Variants in SETD5 observed in about 807,000 individuals in gnomAD.
SETD5 encodes the protein SET domain containing 5.
SETD5 carries 44 observed loss-of-function variants against 153.3 expected under a neutral mutation model. That is an observed-to-expected ratio of 0.29 (90% CI 0.23 to 0.37). The LOEUF (loss-of-function observed/expected upper bound fraction) is 0.37. Among genes scored for constraint, SETD5 ranks in the 10% least tolerant of loss-of-function variants. The pLI, the probability that SETD5 is intolerant of heterozygous loss-of-function variation, is 1.00. For synonymous variants in SETD5, 716 were observed against 645.2 expected (o/e 1.11, Z -1.66); for missense variants, 1,544 against 1,768.0 (o/e 0.87, Z 2.27).
intron 1 of SETD5, among the ~76,000 whole-genome samples, chr3:9,412,839 T>G (rs1052911708): frequency 6.6e-6 from 1 of 151,624 alleles, no homozygotes; most frequent in Admixed American, 6.6e-5. Flanking sequence ...AATCAACTTA[T>G]TAGTTGGTCA....
rs369800541 is a variant in SETD5, at chr3:9,440,363, A to G, written c.568-93A>G. The G allele has an allele frequency of 3.5e-5, 24 of 683,076 alleles. No homozygotes were observed. In the East Asian group the frequency reaches 3.8e-4, roughly 11 times the overall value. 42.3% of individuals were successfully genotyped at this position (683,076 alleles called of 1,614,324 possible). ...TGCCACATCAATTGCCAAGTGATAAATTTTCTCTGGAACCCCAGCTTGTCC... is the reference window on the plus strand; with the variant it reads ...TGCCACATCAATTGCCAAGTGATAAGTTTTCTCTGGAACCCCAGCTTGTCC... On this transcript the variant is annotated intron_variant, in intron 7 of 22. Coordinates refer to ENST00000402198, the MANE Select transcript of SETD5 (RefSeq NM_001080517.3).
chr3:9,466,424 GGTTTT>G (rs1000362303), intron 18 of SETD5, among the ~76,000 whole-genome samples: 27 of 151,548 alleles, frequency 1.8e-4, no homozygotes, highest in Admixed American at 1.5e-3. Context: ...AAGTGGTTTT[GGTTTT>G]GTTTTGTTTT....
intron 1 of SETD5, among the ~76,000 whole-genome samples, chr3:9,404,519 T>A (rs1559343017): frequency 2.0e-5 from 3 of 152,184 alleles, no homozygotes; most frequent in African/African-American, 7.2e-5. Context: ...TACAGAAATT[T>A]AGGGTAGTCA....
chr3:9,444,719 C>T (rs1419136696), intron 11 of SETD5, among the ~76,000 whole-genome samples: 1 of 151,834 alleles, frequency 6.6e-6, no homozygotes, highest in African/African-American at 2.4e-5. Context: ...GGCAAAACCC[C>T]GTCTCTGCCG....
At chr3:9,417,296 G>A (rs965022801) in intron 1 of SETD5, among the ~76,000 whole-genome samples, 9 of 152,158 alleles carry the variant, frequency 5.9e-5, no homozygotes, top group African/African-American at 2.2e-4. Context: ...TTTCAAAGGA[G>A]AATAGCTCTT....
At chr3:9,439,547 T>C (rs2041016421) in intron 7 of SETD5, among the ~76,000 whole-genome samples, 3 of 152,228 alleles carry the variant, frequency 2.0e-5, no homozygotes, top group Admixed American at 2.0e-4. Context: ...ACATCATCAC[T>C]GTCAGTGTTT....
intron 2 of SETD5, among the ~76,000 whole-genome samples, chr3:9,425,388 T>C (rs56782786): frequency 0.12 from 17,748 of 152,110 alleles, 1,394 homozygotes; most frequent in Non-Finnish European, 0.18. Flanking sequence ...TAAGGATTCA[T>C]CAACTATCCA....
chr3:9,406,872 C>T (rs1261781802), intron 1 of SETD5, among the ~76,000 whole-genome samples: 3 of 151,978 alleles, frequency 2.0e-5, no homozygotes, highest in Admixed American at 2.0e-4. Flanking sequence ...AAAGTTTACC[C>T]AATATTTAGA....
intron 7 of SETD5, among the ~76,000 whole-genome samples, 163 bp from the exon 8 acceptor site, chr3:9,440,293 A>G (rs1023348418): frequency 2.6e-5 from 4 of 152,222 alleles, no homozygotes; most frequent in Admixed American, 1.3e-4. Context: ...TAACAAAAGC[A>G]TGATAGAAAC....
rs542555885 is a variant in SETD5, at chr3:9,470,046, G to A, written c.2725-413G>A. Reference sequence around the variant, plus strand: ...TATTAATTTAGAAATTGATAACCCCGGAAGCCAGTTATCTTAAGACACCAG... The same window carrying A: ...TATTAATTTAGAAATTGATAACCCCAGAAGCCAGTTATCTTAAGACACCAG... On this transcript the variant is annotated intron_variant, in intron 18 of 22. Coordinates refer to ENST00000402198, the MANE Select transcript of SETD5 (RefSeq NM_001080517.3). Among the ~76,000 whole-genome samples, 10 of 152,086 alleles carry A rather than the reference G, an allele frequency of 6.6e-5. No homozygotes were observed. The South Asian group carries it at 1.7e-3, about 25-fold the overall frequency.
Position 9,477,605 on chromosome 3 carries a change from C to T in SETD5, c.*1514C>T, listed in dbSNP as rs866321526. On this transcript the variant is annotated 3_prime_UTR_variant, in exon 23 of 23. Transcript: ENST00000402198. ...CTACAACTATCATATGCACAGTCTT[C>T]TCTCTTTGTGTGTGACTGTTACAAA... 1 of 152,184 alleles carries T rather than the reference C, an allele frequency of 6.6e-6. No homozygotes were observed. Among genetic ancestry groups the T allele is most frequent in the African/African-American group, 2.4e-5 (1 of 41,354 alleles). 9.4% of individuals were successfully genotyped at this position (152,184 alleles called of 1,614,324 possible).
Position 9,470,618 on chromosome 3 carries a change from A to G in SETD5, c.2884A>G (p.Ser962Gly), listed in dbSNP as rs1364944392. 8.7e-6 allele frequency: 14 copies of G among 1,613,984 alleles called. No individual in the cohort carries two copies. Among genetic ancestry groups the G allele is most frequent in the Non-Finnish European group, 1.2e-5 (14 of 1,179,892 alleles). Residue 962 changes from serine (S) to glycine (G), a missense_variant, in exon 19 of 23, where the codon AGT becomes GGT. Physicochemically the swap from Ser to Gly is moderately conservative, Grantham distance 56. This residue lies in a region of SETD5 where 782 missense variants were observed against 787.2 expected (regional missense o/e 0.99). Coordinates refer to ENST00000402198, the MANE Select transcript of SETD5 (RefSeq NM_001080517.3). ...PTSETGFPSR[S>G]GDGHQTLVRN... is the part of the protein sequence containing the mutation. ...TTCTGAGACTGGTTTCCCAAGCAGAAGTGGAGATGGACATCAGACCCTCGT... is the reference window on the plus strand; with the variant it reads ...TTCTGAGACTGGTTTCCCAAGCAGAGGTGGAGATGGACATCAGACCCTCGT...
intron 10 of SETD5, chr3:9,443,037 C>G (rs2041500881): frequency 3.1e-6 from 1 of 326,928 alleles, no homozygotes; most frequent in Non-Finnish European, 5.9e-6. Flanking sequence ...AAGACTGTAT[C>G]TCAAAAAAAA....
chr3:9,445,144 T>A lies in SETD5; in HGVS notation c.1284T>A (p.Pro428=), dbSNP rs758949684. The A allele has an allele frequency of 1.9e-6, 3 of 1,613,654 alleles. No individual in the cohort carries two copies. The highest frequency in any genetic ancestry group is 2.5e-6 in the Non-Finnish European group (3 of 1,179,858). The change falls in exon 12 of 23, where the codon CCT becomes CCA. Residue 428 remains proline, a synonymous_variant. Coordinates refer to ENST00000402198, the MANE Select transcript of SETD5 (RefSeq NM_001080517.3). ...PNATELPLLP[P]PPSLPTIGAE... ...CTACAGAACTGCCACTCCTACCACC[T>A]CCTCCAAGCCTACCCACCATTGGAG...
At chr3:9,427,432 C>T (rs2039420225) in intron 2 of SETD5, among the ~76,000 whole-genome samples, 1 of 152,156 alleles carries the variant, frequency 6.6e-6, no homozygotes, top group Non-Finnish European at 1.5e-5. Context: ...CGCCTGTAAT[C>T]CTAACTACTT....
Position 9,428,973 on chromosome 3 carries a change from C to T in SETD5, c.35C>T (p.Ser12Leu), listed in dbSNP as rs201510004. The T allele has an allele frequency of 1.6e-5, 26 of 1,613,182 alleles. No homozygotes were observed. The highest frequency in any genetic ancestry group is 2.2e-5 in the Non-Finnish European group (26 of 1,179,528). The change falls in exon 3 of 23, where the codon TCA (serine) becomes TTA (leucine). Residue 12 changes from serine to leucine, a missense_variant. This residue lies in a region of SETD5 where 251 missense variants were observed against 326.9 expected (regional missense o/e 0.77). Coordinates refer to ENST00000402198, the MANE Select transcript of SETD5 (RefSeq NM_001080517.3). ...SIAIPLGVTT[S>L]DTSYSDMAAG... The stretch of plus-strand genomic sequence containing the variant: ...GCAATCCCTCTGGGAGTCACCACAT[C>T]AGATACATCCTACTCAGATATGGCT...
At chr3:9,459,732 AG>A (rs1411544957) in intron 17 of SETD5, among the ~76,000 whole-genome samples, 180 of 151,428 alleles carry the variant, frequency 1.2e-3, no homozygotes, top group African/African-American at 4.0e-3. Context: ...AAAAAAAAAA[AG>A]AATATTAAAA....
intron 1 of SETD5, chr3:9,423,119 A>G (rs1185676272): frequency 6.6e-6 from 1 of 152,196 alleles, no homozygotes. Context: ...TTCATAAAAC[A>G]CTTTTTGTTT....
chr3:9,425,147 C>T (rs958330996), intron 2 of SETD5, among the ~76,000 whole-genome samples: 17 of 146,180 alleles, frequency 1.2e-4, no homozygotes, highest in Admixed American at 7.1e-4. Flanking sequence ...CTGCAACCTC[C>T]GGCTCCCGGG....
Sources: allele counts gnomAD v4.1 joint callset (sites outside exome capture counted in the v4.1 genomes callset), GRCh38; gene constraint gnomAD v4.1.1; regional missense constraint gnomAD v4.1.1; transcripts MANE v1.5; gene names NCBI Gene and HGNC (gene_info 2026-07-23, HGNC 2026-07-21).